The following ABCD3 variants were observed in gnomAD, a reference collection of about 807,000 sequenced individuals.
ABCD3 encodes ATP binding cassette subfamily D member 3.
In ABCD3, 41 loss-of-function variants were observed where a neutral mutation model predicts 105.5. That is an observed-to-expected ratio of 0.39 (90% confidence interval 0.30 to 0.50). The LOEUF (loss-of-function observed/expected upper bound fraction) is 0.50, where lower values mean the gene tolerates loss of function less well. Among genes scored for constraint, ABCD3 ranks in the 20% least tolerant of loss-of-function variants. The pLI is 0.84. For synonymous variants in ABCD3, 258 were observed against 269.0 expected (o/e 0.96, Z 0.40); for missense variants, 622 against 806.3 (o/e 0.77, Z 2.77).
intron 1 of ABCD3, among the ~76,000 whole-genome samples, chr1:94,421,112 T>C (rs973857033): frequency 6.6e-6 from 1 of 152,096 alleles, no homozygotes; most frequent in African/African-American, 2.4e-5. Flanking sequence ...TTCACACATA[T>C]AAAAAATAAA....
At chr1:94,385,921 T>TAG in the ABCD3 span, among the ~76,000 whole-genome samples, 2 of 152,180 alleles carry the variant, frequency 1.3e-5, no homozygotes, top group Non-Finnish European at 2.9e-5. Context: ...AAAAAAAGAC[T>TAG]AGAAAGTTAG....
chr1:94,399,278 A>AT, the ABCD3 span, among the ~76,000 whole-genome samples: 1 of 151,932 alleles, frequency 6.6e-6, no homozygotes, highest in South Asian at 2.1e-4. Context: ...ACTTTTTAGA[A>AT]TTTTTTAAAT....
At chr1:94,466,948 T>C (rs1225431934) in intron 3 of ABCD3, among the ~76,000 whole-genome samples, 1 of 152,142 alleles carries the variant, frequency 6.6e-6, no homozygotes, top group Non-Finnish European at 1.5e-5. Flanking sequence ...TTTAGAAAAT[T>C]TAAGATCAGC....
intron 22 of ABCD3, among the ~76,000 whole-genome samples, chr1:94,516,370 ATT>A (rs1164889098): frequency 6.6e-6 from 1 of 151,994 alleles, no homozygotes; most frequent in African/African-American, 2.4e-5. Flanking sequence ...TAACTTGTCA[ATT>A]TTTCATGAAC....
At chr1:94,492,683 C>T (rs1016832352) in intron 16 of ABCD3, among the ~76,000 whole-genome samples, 9 of 152,086 alleles carry the variant, frequency 5.9e-5, no homozygotes, top group East Asian at 1.9e-4. Flanking sequence ...ATAAAAAGGA[C>T]GTGAGACTTC....
chr1:94,457,288 TATC>T (rs1303409815), intron 1 of ABCD3, among the ~76,000 whole-genome samples: 1 of 152,242 alleles, frequency 6.6e-6, no homozygotes, highest in Non-Finnish European at 1.5e-5. Flanking sequence ...ATATTTAAAA[TATC>T]GTATAATACA....
upstream of ABCD3, among the ~76,000 whole-genome samples, chr1:94,414,156 G>A (rs1011649120): frequency 6.6e-6 from 1 of 152,126 alleles, no homozygotes; most frequent in Non-Finnish European, 1.5e-5. Flanking sequence ...TATCATCACT[G>A]GGTTTGTGTG....
At chr1:94,499,727 GATTAGTTTAA>G in intron 20 of ABCD3, 113 bp downstream of exon 20, 1 of 1,337,582 alleles carries the variant, frequency 7.5e-7, no homozygotes, top group Admixed American at 1.8e-5. Context: ...TTTCAGTATG[GATTAGTTTAA>G]ATTATCATAA....
rs1179292405 is a variant in ABCD3 at position 94,498,613 on chromosome 1, G to A, written c.1398G>A (p.Gly466=). ...IRDLNFEVRS[G]ANVLICGPNG... ...TTTTTTTTTTTCAGGTTCGATCTGG[G>A]GCTAATGTTCTAATTTGTGGTCCAA... Residue 466 remains glycine (G), a synonymous_variant, in exon 17 of 23, where the codon GGG becomes GGA. Coordinates refer to ENST00000370214, the MANE Select transcript of ABCD3 (RefSeq NM_002858.4). 6.2e-7 allele frequency: 1 copy of A among 1,611,616 alleles called. No homozygotes were observed. The highest frequency in any genetic ancestry group is 1.3e-5 in the African/African-American group (1 of 74,384).
At chr1:94,385,776 T>C in the ABCD3 span, among the ~76,000 whole-genome samples, 2 of 152,344 alleles carry the variant, frequency 1.3e-5, no homozygotes, top group East Asian at 3.9e-4. Flanking sequence ...CTTTAAGAGA[T>C]GTTTATCTGT....
chr1:94,404,684 T>C, the ABCD3 span, among the ~76,000 whole-genome samples: 58 of 152,210 alleles, frequency 3.8e-4, no homozygotes, highest in African/African-American at 1.3e-3. Flanking sequence ...TTCATTGTTA[T>C]CTGATTTTTC....
At chr1:94,438,387 A>G (rs896328132) in intron 1 of ABCD3, among the ~76,000 whole-genome samples, 6 of 152,064 alleles carry the variant, frequency 3.9e-5, no homozygotes, top group African/African-American at 1.2e-4. Context: ...ATGAGCAAAG[A>G]AAGTGATTTC....
At chr1:94,393,594 A>T in the ABCD3 span, among the ~76,000 whole-genome samples, 24 of 152,064 alleles carry the variant, frequency 1.6e-4, no homozygotes, top group African/African-American at 5.8e-4. Flanking sequence ...AGCTGAGATC[A>T]TGCCACTGCA....
chr1:94,420,150 A>G (rs1013080441), intron 1 of ABCD3, among the ~76,000 whole-genome samples: 2 of 152,188 alleles, frequency 1.3e-5, no homozygotes, highest in African/African-American at 4.8e-5. Context: ...TGCCACATAC[A>G]TATAGTACAC....
intron 16 of ABCD3, among the ~76,000 whole-genome samples, chr1:94,495,352 C>T (rs1649746087): frequency 6.6e-6 from 1 of 151,920 alleles, no homozygotes; most frequent in African/African-American, 2.4e-5. Context: ...CTGAGAGCCC[C>T]AATAATACAA....
chr1:94,457,223 G>A (rs1647619124), intron 1 of ABCD3, among the ~76,000 whole-genome samples: 2 of 152,022 alleles, frequency 1.3e-5, no homozygotes, highest in Non-Finnish European at 1.5e-5. Flanking sequence ...GTGCTAAAAT[G>A]CATTTTGTAT....
intron 16 of ABCD3, among the ~76,000 whole-genome samples, chr1:94,494,169 T>C (rs531554131): frequency 6.6e-6 from 1 of 152,354 alleles, no homozygotes; most frequent in South Asian, 2.1e-4. Flanking sequence ...AATGAGTTTA[T>C]TATGATACTC....
chr1:94,456,452 T>A (rs980509646), intron 1 of ABCD3, among the ~76,000 whole-genome samples: 8 of 151,016 alleles, frequency 5.3e-5, no homozygotes, highest in Admixed American at 5.3e-4. Context: ...TTTTTTTTTT[T>A]ATTTTAGTAG....
chr1:94,395,638 A>G, the ABCD3 span, among the ~76,000 whole-genome samples: 1 of 152,216 alleles, frequency 6.6e-6, no homozygotes, highest in Non-Finnish European at 1.5e-5. Context: ...AAAGGTCATG[A>G]TCCTGTGGCA....
Sources: allele counts gnomAD v4.1 joint callset (sites outside exome capture counted in the v4.1 genomes callset), GRCh38; gene constraint gnomAD v4.1.1; transcripts MANE v1.5; gene names NCBI Gene and HGNC (gene_info 2026-07-23, HGNC 2026-07-21).